The following SGIP1 variants were observed in gnomAD, a reference collection of about 807,000 sequenced individuals.
The protein encoded by SGIP1 is SH3-containing GRB2-like protein 3-interacting protein 1.
In SGIP1, 38 loss-of-function variants were observed where a neutral mutation model predicts 107.5. The ratio of observed to expected loss-of-function variants is 0.35; its 90% CI spans 0.27 to 0.46. The LOEUF (loss-of-function observed/expected upper bound fraction) is 0.46, where lower values mean the gene tolerates loss of function less well. Ranked by LOEUF, SGIP1 falls within the 20% of genes least tolerant of loss-of-function variation. The pLI is 1.00. For missense variants in SGIP1, 929 were observed against 1,019.5 expected (o/e 0.91, Z 1.21); for synonymous variants, 365 against 366.1 (o/e 1.00, Z 0.03).
intron 21 of SGIP1, among the ~76,000 whole-genome samples, chr1:66,737,293 A>T (rs536057420): frequency 5.1e-4 from 78 of 152,338 alleles, no homozygotes; most frequent in Non-Finnish European, 8.1e-4. Flanking sequence ...AAAATTTTTT[A>T]AATTATTAAA....
At chr1:66,709,419 G>C (rs1387834339) in intron 18 of SGIP1, among the ~76,000 whole-genome samples, 1 of 152,152 alleles carries the variant, frequency 6.6e-6, no homozygotes, top group South Asian at 2.1e-4. Flanking sequence ...TTTGAATTCT[G>C]ACTCCACCAT....
chr1:66,672,872 A>G (rs1443658596), intron 11 of SGIP1, among the ~76,000 whole-genome samples: 1 of 152,284 alleles, frequency 6.6e-6, no homozygotes, highest in South Asian at 2.1e-4. Context: ...AATTGCATTA[A>G]CTACAACAAA....
chr1:66,554,690 C>T (rs2057926056), intron 1 of SGIP1, among the ~76,000 whole-genome samples: 1 of 151,998 alleles, frequency 6.6e-6, no homozygotes, highest in South Asian at 2.1e-4. Flanking sequence ...AGACTTGGGT[C>T]TCATCCCCAA....
intron 1 of SGIP1, among the ~76,000 whole-genome samples, chr1:66,547,895 C>T (rs1225563994): frequency 6.6e-6 from 1 of 152,054 alleles, no homozygotes; most frequent in Non-Finnish European, 1.5e-5. Flanking sequence ...GACCCCTATA[C>T]CTTGTGACCC....
intron 7 of SGIP1, among the ~76,000 whole-genome samples, chr1:66,649,146 G>A (rs1024650925): frequency 2.0e-5 from 3 of 152,170 alleles, no homozygotes; most frequent in South Asian, 2.1e-4. Flanking sequence ...TCTACATCTC[G>A]AGGCTAGAAT....
chr1:66,691,158 G>A (rs1557645264), intron 17 of SGIP1, among the ~76,000 whole-genome samples: 1 of 151,744 alleles, frequency 6.6e-6, no homozygotes, highest in Non-Finnish European at 1.5e-5. Flanking sequence ...TTCCTTTATT[G>A]TCAGAACTCC....
intron 18 of SGIP1, among the ~76,000 whole-genome samples, chr1:66,718,361 C>T (rs544390696): frequency 7.9e-5 from 12 of 152,090 alleles, no homozygotes; most frequent in East Asian, 1.9e-4. Flanking sequence ...TCAGAAGCTA[C>T]GGGTTACAGC....
chr1:66,640,894 G>T (rs950912685), intron 5 of SGIP1, among the ~76,000 whole-genome samples: 4 of 152,090 alleles, frequency 2.6e-5, no homozygotes, highest in South Asian at 4.2e-4. Flanking sequence ...GTATGATCTT[G>T]CTTATACGCA....
intron 19 of SGIP1, among the ~76,000 whole-genome samples, chr1:66,721,594 C>T (rs374106375): frequency 2.0e-5 from 3 of 151,868 alleles, no homozygotes; most frequent in Admixed American, 6.6e-5. Flanking sequence ...TTTTTTTTAG[C>T]GACGGGGTTT....
intron 7 of SGIP1, among the ~76,000 whole-genome samples, chr1:66,648,762 T>C (rs886710406): frequency 6.6e-6 from 1 of 152,210 alleles, no homozygotes; most frequent in Non-Finnish European, 1.5e-5. Context: ...TCTAGAATTT[T>C]GGGTTAATCA....
At chr1:66,611,620 G>A (rs1049043414) in intron 1 of SGIP1, among the ~76,000 whole-genome samples, 5 of 152,154 alleles carry the variant, frequency 3.3e-5, no homozygotes, top group Admixed American at 6.5e-5. Flanking sequence ...TTCCTTTTCC[G>A]TGGCAATCTT....
chr1:66,561,202 A>G (rs1426352156), intron 1 of SGIP1, among the ~76,000 whole-genome samples: 2 of 152,084 alleles, frequency 1.3e-5, no homozygotes, highest in African/African-American at 2.4e-5. Context: ...TTTACAGATG[A>G]CAAAACTGAA....
chr1:66,689,673 G>A lies in SGIP1; in HGVS notation c.1443+398G>A, dbSNP rs182793725. ...TAGGCACATGATGTGAATATACAGT[G>A]AAGGAGTGGTGGCTTGAGGAATTTG... On this transcript the variant is annotated intron_variant, in intron 16 of 24. Transcript: ENST00000371037. 7.7e-4 allele frequency among the ~76,000 whole-genome samples: 117 copies of A among 152,330 alleles called. No individual in the cohort carries two copies. In the East Asian group the frequency reaches 0.019, roughly 25 times the overall value.
At chr1:66,613,839 G>A (rs769929328) in intron 1 of SGIP1, among the ~76,000 whole-genome samples, 7 of 152,140 alleles carry the variant, frequency 4.6e-5, no homozygotes, top group Non-Finnish European at 1.0e-4. Context: ...ATAATTAGAG[G>A]GTAATATTAG....
intron 24 of SGIP1, among the ~76,000 whole-genome samples, chr1:66,742,803 A>G (rs1357749550): frequency 6.6e-6 from 1 of 152,136 alleles, no homozygotes; most frequent in African/African-American, 2.4e-5. Context: ...TTGGATTCTC[A>G]CATCCAGAAA....
At chr1:66,539,296 G>C (rs541892609) in intron 1 of SGIP1, among the ~76,000 whole-genome samples, 1 of 152,200 alleles carries the variant, frequency 6.6e-6, no homozygotes, top group African/African-American at 2.4e-5. Context: ...GTGAGGCAGA[G>C]GTATTGGGTC....
chr1:66,602,366 A>G (rs2065999574), intron 1 of SGIP1, among the ~76,000 whole-genome samples: 1 of 152,108 alleles, frequency 6.6e-6, no homozygotes, highest in Non-Finnish European at 1.5e-5. Flanking sequence ...GCCTCAATCC[A>G]AGAATTATGA....
intron 20 of SGIP1, among the ~76,000 whole-genome samples, chr1:66,731,010 G>A (rs906794790): frequency 2.0e-5 from 3 of 152,020 alleles, no homozygotes; most frequent in East Asian, 1.9e-4. Context: ...AGTTTCTACC[G>A]TTACTTTTAA....
At chr1:66,656,014 T>C (rs2079696532) in intron 7 of SGIP1, among the ~76,000 whole-genome samples, 1 of 152,342 alleles carries the variant, frequency 6.6e-6, no homozygotes, top group South Asian at 2.1e-4. Flanking sequence ...GAAAATACTT[T>C]ATACTCTTTC....
Sources: allele counts gnomAD v4.1 joint callset (sites outside exome capture counted in the v4.1 genomes callset), GRCh38; gene constraint gnomAD v4.1.1; transcripts MANE v1.5; gene names NCBI Gene and HGNC (gene_info 2026-07-23, HGNC 2026-07-21).